The following RAB3IL1 variants were observed in gnomAD, a reference collection of about 807,000 sequenced individuals.
The protein encoded by RAB3IL1 is RAB3A interacting protein like 1.
A neutral mutation model predicts 49.2 loss-of-function variants in RAB3IL1; 37 were observed. The ratio of observed to expected loss-of-function variants is 0.75; its 90% CI spans 0.58 to 0.99. The LOEUF is 0.99. RAB3IL1 is among the 50% of genes least tolerant of loss of function. The pLI is 0.00. For missense variants in RAB3IL1, 484 were observed against 513.0 expected, an observed-to-expected ratio of 0.94 and a Z score of 0.55; for synonymous variants, 193 against 213.9, an observed-to-expected ratio of 0.90 and a Z score of 0.85.
intron 1 of RAB3IL1, among the ~76,000 whole-genome samples, chr11:61,913,091 G>C (rs901587594): frequency 6.6e-6 from 1 of 152,130 alleles, no homozygotes; most frequent in East Asian, 1.9e-4. Context: ...CAGCTGAGGG[G>C]GAATAGGCAG....
rs1938685721 is a variant in RAB3IL1, at chr11:61,897,610, C to T, written c.*668G>A. On this transcript the variant is annotated 3_prime_UTR_variant, in exon 10 of 10. Transcript: ENST00000394836. ...GAGCAGGGCCTCCAGGAGCACAGGGCTGAGACGGGGTGGGAGGGAAGGTGA... is the reference window on the plus strand; with the variant it reads ...GAGCAGGGCCTCCAGGAGCACAGGGTTGAGACGGGGTGGGAGGGAAGGTGA... 1.4e-5 allele frequency: 2 copies of T among 138,168 alleles called. No individual in the cohort carries two copies. The highest frequency in any genetic ancestry group is 3.1e-5 in the Non-Finnish European group (2 of 65,310). The allele number at this position is 138,168 out of a possible 1,614,324, so 8.6% of individuals were successfully genotyped here.
intron 4 of RAB3IL1, 120 bp downstream of exon 4, chr11:61,907,273 T>G: frequency 9.5e-7 from 1 of 1,056,776 alleles, no homozygotes; most frequent in Non-Finnish European, 1.4e-6. Context: ...GGTTCACCCA[T>G]TCCTGCTGGC....
chr11:61,911,991 C>T (rs1939472577), intron 1 of RAB3IL1, among the ~76,000 whole-genome samples: 1 of 152,238 alleles, frequency 6.6e-6, no homozygotes, highest in Non-Finnish European at 1.5e-5. Context: ...TGTCCCCAAG[C>T]CAGCAGGGCC....
At chr11:61,928,018 T>G in the RAB3IL1 span, among the ~76,000 whole-genome samples, 1 of 152,068 alleles carries the variant, frequency 6.6e-6, no homozygotes, top group Non-Finnish European at 1.5e-5. Flanking sequence ...AGAGGAGTCA[T>G]TGAAGGATTT....
the RAB3IL1 span, among the ~76,000 whole-genome samples, chr11:61,944,219 C>CTT: frequency 2.4e-4 from 36 of 149,840 alleles, no homozygotes; most frequent in African/African-American, 8.2e-4. Context: ...CCCTTCCTTC[C>CTT]CTCCTTCCTT....
At chr11:61,936,785 A>C in the RAB3IL1 span, among the ~76,000 whole-genome samples, 2 of 152,228 alleles carry the variant, frequency 1.3e-5, no homozygotes, top group Admixed American at 6.5e-5. Context: ...TGAAACCAAC[A>C]AACAAAAGAG....
Position 61,898,105 on chromosome 11 carries a change from G to A in RAB3IL1, c.*173C>T. 1.5e-6 allele frequency: 1 copy of A among 661,902 alleles called. No individual in the cohort carries two copies. The highest frequency in any genetic ancestry group is 1.7e-5 in the South Asian group (1 of 57,418). 41.0% of individuals were successfully genotyped at this position (661,902 alleles called of 1,614,324 possible). On this transcript the variant is annotated 3_prime_UTR_variant, in exon 10 of 10. Transcript: ENST00000394836. This position sits in a 1 kb window ranked among gnomAD's most constrained non-coding sequence, Gnocchi z 5.1. The stretch of plus-strand genomic sequence containing the variant: ...CTTGCCGTGAAGTCCAGGCCCGTCT[G>A]TCCCAGGATGGACGTGTGGTGCTGG...
In RAB3IL1 at chr11:61,907,615, G is replaced by C. The variant is rs1262093530; in HGVS notation, c.310C>G (p.Arg104Gly). ...DEECERLSKV[R>G]EQLEQELEEL... ...TCCAGCTCCTGTTCTAGCTGCTCCC[G>C]CACCTTGGACAGCCGCTCACATTCC... The change falls in exon 3 of 10, where the codon CGG becomes GGG. Residue 104 changes from arginine (R) to glycine (G), a missense_variant. By Grantham distance (125) the Arg-to-Gly change is moderately radical. Coordinates refer to ENST00000394836, the MANE Select transcript of RAB3IL1 (RefSeq NM_013401.4). 6.2e-7 allele frequency: 1 copy of C among 1,614,032 alleles called. No individual in the cohort carries two copies. The highest frequency in any genetic ancestry group is 1.7e-5 in the Admixed American group (1 of 60,016).
the RAB3IL1 span, among the ~76,000 whole-genome samples, chr11:61,931,263 G>A: frequency 6.6e-6 from 1 of 152,274 alleles, no homozygotes; most frequent in African/African-American, 2.4e-5. Flanking sequence ...CTGAATAAGA[G>A]GGTTAAGTGA....
the RAB3IL1 span, among the ~76,000 whole-genome samples, chr11:61,940,574 C>A: frequency 1.3e-5 from 2 of 151,970 alleles, no homozygotes; most frequent in South Asian, 4.2e-4. Flanking sequence ...ATTCCTTGAG[C>A]CCAAGAGTTC....
chr11:61,910,687 A>C (rs896148059), intron 1 of RAB3IL1, among the ~76,000 whole-genome samples: 1 of 152,236 alleles, frequency 6.6e-6, no homozygotes, highest in Non-Finnish European at 1.5e-5. Flanking sequence ...CTTAAACTGG[A>C]GGCCTGTGGA....
intron 7 of RAB3IL1, among the ~76,000 whole-genome samples, chr11:61,903,578 C>G (rs1420746807): frequency 1.3e-5 from 2 of 151,516 alleles, no homozygotes; most frequent in Admixed American, 1.3e-4. Context: ...GACTGGAGTG[C>G]AGTGGTGCAA....
chr11:61,944,332 T>A, the RAB3IL1 span, among the ~76,000 whole-genome samples: 2 of 151,720 alleles, frequency 1.3e-5, no homozygotes, highest in African/African-American at 4.8e-5. Flanking sequence ...TCTGAGCTGG[T>A]GTGATCATAG....
At chr11:61,939,083 A>G in the RAB3IL1 span, among the ~76,000 whole-genome samples, 1 of 152,088 alleles carries the variant, frequency 6.6e-6, no homozygotes, top group South Asian at 2.1e-4. Flanking sequence ...CAGAATATAC[A>G]TTCTTCTCAA....
chr11:61,913,877 G>C (rs762633962), intron 1 of RAB3IL1, among the ~76,000 whole-genome samples: 3 of 152,134 alleles, frequency 2.0e-5, no homozygotes, highest in Non-Finnish European at 4.4e-5. Context: ...ATCATGTGCA[G>C]AGCTCGGAGG....
In RAB3IL1 at chr11:61,904,887, G is replaced by C. The variant is rs764494261; in HGVS notation, c.658-5C>G. ...TGCAAACAGGATTGTGTCCACCTGT[G>C]GGGGAGGGCAAGCGAGGGTGGGGGC... On this transcript the variant is annotated splice_region_variant and splice_polypyrimidine_tract_variant and intron_variant, in intron 5 of 9. Transcript: ENST00000394836. The C allele has an allele frequency of 5.0e-6, 8 of 1,585,672 alleles. No individual in the cohort carries two copies. Among genetic ancestry groups the C allele is most frequent in the South Asian group, 2.3e-5 (2 of 85,838 alleles).
At chr11:61,927,090 C>T in the RAB3IL1 span, among the ~76,000 whole-genome samples, 3 of 152,170 alleles carry the variant, frequency 2.0e-5, no homozygotes, top group African/African-American at 7.2e-5. Context: ...ATGATCCACC[C>T]GCCTTGGCCT....
At chr11:61,919,141 C>T (rs115784084), upstream of RAB3IL1, among the ~76,000 whole-genome samples, 857 of 152,300 alleles carry the variant, frequency 5.6e-3, 6 homozygotes, top group African/African-American at 0.018. Flanking sequence ...CCCTTGCCCT[C>T]CAAGTCTTCA....
Position 61,898,216 on chromosome 11 carries a change from G to A in RAB3IL1, c.*62C>T, listed in dbSNP as rs779630673. The A allele has an allele frequency of 1.4e-5, 21 of 1,495,502 alleles. No individual in the cohort carries two copies. The highest frequency in any genetic ancestry group is 1.1e-4 in the East Asian group (5 of 44,236). 92.6% of individuals were successfully genotyped at this position (1,495,502 alleles called of 1,614,324 possible). On this transcript the variant is annotated 3_prime_UTR_variant, in exon 10 of 10. Transcript: ENST00000394836. The surrounding 1 kb of genome is among the most constrained non-coding windows in gnomAD (Gnocchi z 5.1). ...CCAGGCCCCCGTCTCCCTGTGTGTC[G>A]GCTTGTTCTGGGGTGGGTGTTTGCT...
Sources: allele counts gnomAD v4.1 joint callset (sites outside exome capture counted in the v4.1 genomes callset), GRCh38; gene constraint gnomAD v4.1.1; non-coding constraint Gnocchi (gnomAD v3.1); transcripts MANE v1.5; gene names NCBI Gene and HGNC (gene_info 2026-07-23, HGNC 2026-07-21).